HS6ST3: variants seen among roughly 807,000 people sequenced by gnomAD.
The protein encoded by HS6ST3 is heparan sulfate 6-O-sulfotransferase 3, also known as heparan-sulfate 6-O-sulfotransferase 3.
Under a neutral mutation model 36.7 loss-of-function variants are expected in HS6ST3, and 12 were observed. That is an observed-to-expected ratio of 0.33 (90% CI 0.21 to 0.53). The LOEUF is 0.53. Ranked by LOEUF, HS6ST3 falls within the 20% of genes least tolerant of loss-of-function variation. The pLI, the probability that HS6ST3 is intolerant of heterozygous loss-of-function variation, is 0.95. For synonymous variants in HS6ST3, 240 were observed against 257.5 expected (o/e 0.93, Z 0.65); for missense variants, 584 against 640.9 (o/e 0.91, Z 0.96).
chr13:96,600,552 A>T (rs1027217166), intron 1 of HS6ST3, among the ~76,000 whole-genome samples: 1 of 151,942 alleles, frequency 6.6e-6, no homozygotes, highest in Non-Finnish European at 1.5e-5. Flanking sequence ...TTGAGTTTAT[A>T]TGAACCTTTA....
intron 1 of HS6ST3, among the ~76,000 whole-genome samples, chr13:96,749,673 G>T (rs1338755090): frequency 6.6e-6 from 1 of 151,904 alleles, no homozygotes; most frequent in Non-Finnish European, 1.5e-5. Flanking sequence ...TATGTGGGTT[G>T]GTAGTCTAAA....
intron 1 of HS6ST3, among the ~76,000 whole-genome samples, chr13:96,312,103 G>T (rs569442051): frequency 6.6e-6 from 1 of 152,282 alleles, no homozygotes; most frequent in African/African-American, 2.4e-5. Flanking sequence ...AATGGGCACT[G>T]CATAATCTGA....
intron 1 of HS6ST3, among the ~76,000 whole-genome samples, chr13:96,228,241 T>C (rs1315992107): frequency 8.5e-5 from 13 of 152,240 alleles, no homozygotes; most frequent in African/African-American, 3.1e-4. Flanking sequence ...TGACATTTCA[T>C]ATAATTTTCA....
At chr13:96,147,887 C>T (rs1183785236) in intron 1 of HS6ST3, among the ~76,000 whole-genome samples, 2 of 152,168 alleles carry the variant, frequency 1.3e-5, no homozygotes, top group Non-Finnish European at 2.9e-5. Flanking sequence ...TGTGAAAGCA[C>T]TCAGCAAGCC....
intron 1 of HS6ST3, among the ~76,000 whole-genome samples, chr13:96,477,084 A>T (rs977817695): frequency 2.0e-5 from 3 of 152,086 alleles, no homozygotes; most frequent in African/African-American, 7.2e-5. Flanking sequence ...CATTTTCCTC[A>T]TGAGGACCCA....
chr13:96,502,603 A>T (rs2056009542), intron 1 of HS6ST3, among the ~76,000 whole-genome samples: 1 of 152,136 alleles, frequency 6.6e-6, no homozygotes, highest in South Asian at 2.1e-4. Flanking sequence ...TTCAAGGAAG[A>T]TTCACTGGAG....
intron 1 of HS6ST3, among the ~76,000 whole-genome samples, chr13:96,139,234 A>T (rs1232773421): frequency 6.6e-6 from 1 of 152,114 alleles, no homozygotes; most frequent in Non-Finnish European, 1.5e-5. Flanking sequence ...CTGAGTAATC[A>T]TGTTAATAAC....
At chr13:96,201,888 T>C (rs1445598242) in intron 1 of HS6ST3, among the ~76,000 whole-genome samples, 2 of 152,226 alleles carry the variant, frequency 1.3e-5, no homozygotes, top group South Asian at 2.1e-4. Context: ...TATGTGTGTG[T>C]ATATATGAAA....
intron 1 of HS6ST3, among the ~76,000 whole-genome samples, chr13:96,183,227 T>C (rs1215117634): frequency 1.3e-5 from 2 of 152,176 alleles, no homozygotes; most frequent in Non-Finnish European, 2.9e-5. Flanking sequence ...GTATAAAAGT[T>C]GATTTTTCTT....
chr13:96,648,789 A>G (rs2056597805), intron 1 of HS6ST3, among the ~76,000 whole-genome samples: 1 of 152,016 alleles, frequency 6.6e-6, no homozygotes, highest in Non-Finnish European at 1.5e-5. Context: ...GCTGAGGATA[A>G]TGACTTCCAG....
intron 1 of HS6ST3, among the ~76,000 whole-genome samples, chr13:96,110,584 C>T (rs550711308): frequency 2.0e-4 from 30 of 151,984 alleles, no homozygotes; most frequent in African/African-American, 7.0e-4. Context: ...CTAGAGGTGC[C>T]CACCACCATG....
chr13:96,231,786 A>T (rs1277487160), intron 1 of HS6ST3, among the ~76,000 whole-genome samples: 3 of 152,140 alleles, frequency 2.0e-5, no homozygotes, highest in Middle Eastern at 3.2e-3. Context: ...TACTAAGATT[A>T]TATGTTTATG....
intron 1 of HS6ST3, among the ~76,000 whole-genome samples, chr13:96,812,844 A>G (rs1460572625): frequency 2.0e-5 from 3 of 152,146 alleles, no homozygotes; most frequent in Non-Finnish European, 4.4e-5. Context: ...CTGGGAACAT[A>G]TCTTTGATAC....
intron 1 of HS6ST3, among the ~76,000 whole-genome samples, chr13:96,398,431 C>T (rs929089868): frequency 1.3e-5 from 2 of 151,956 alleles, no homozygotes; most frequent in Non-Finnish European, 2.9e-5. Context: ...TACAGAGACC[C>T]GCCACCATGC....
intron 1 of HS6ST3, among the ~76,000 whole-genome samples, chr13:96,105,005 G>A (rs2053834702): frequency 7.0e-6 from 1 of 143,360 alleles, no homozygotes; most frequent in Admixed American, 6.9e-5. Flanking sequence ...TAATGTACAG[G>A]GCAAATAATG....
intron 1 of HS6ST3, among the ~76,000 whole-genome samples, chr13:96,793,302 G>T (rs1877834056): frequency 6.6e-6 from 1 of 151,996 alleles, no homozygotes; most frequent in African/African-American, 2.4e-5. Flanking sequence ...CAATAGAAGT[G>T]GGTGCTGTTT....
chr13:96,480,664 C>A (rs2055886281), intron 1 of HS6ST3, among the ~76,000 whole-genome samples: 1 of 152,148 alleles, frequency 6.6e-6, no homozygotes, highest in African/African-American at 2.4e-5. Context: ...TCACTGGGTT[C>A]TAGAGGCTTC....
At chr13:96,428,711 C>T (rs1288971852) in intron 1 of HS6ST3, among the ~76,000 whole-genome samples, 2 of 152,122 alleles carry the variant, frequency 1.3e-5, no homozygotes, top group East Asian at 3.9e-4. Context: ...CAGCCCATTC[C>T]AGGTGCTTAT....
At chr13:96,430,961 G>A (rs1384768417) in intron 1 of HS6ST3, among the ~76,000 whole-genome samples, 1 of 152,076 alleles carries the variant, frequency 6.6e-6, no homozygotes, top group Non-Finnish European at 1.5e-5. Context: ...TATAGGCCCA[G>A]GTACCCTGGG....
Sources: gnomAD v4.1 joint callset for allele counts (sites outside exome capture counted in the v4.1 genomes callset) on GRCh38, gnomAD v4.1.1 for gene constraint, MANE v1.5 for transcripts, NCBI Gene and HGNC (gene_info 2026-07-23, HGNC 2026-07-21) for gene names.